Variants in SFXN5 observed in about 807,000 individuals in gnomAD.
The protein encoded by SFXN5 is sideroflexin-5.
In SFXN5, 43 loss-of-function variants were observed where a neutral mutation model predicts 50.2. The ratio of observed to expected loss-of-function variants is 0.86; its 90% CI spans 0.67 to 1.11. The LOEUF (loss-of-function observed/expected upper bound fraction) is 1.11. SFXN5 is among the 50% of genes least tolerant of loss of function. The pLI, the probability that SFXN5 is intolerant of heterozygous loss-of-function variation, is 0.00. For synonymous variants in SFXN5, 203 were observed against 185.8 expected, an observed-to-expected ratio of 1.09 and a Z score of -0.75; for missense variants, 463 against 454.1, an observed-to-expected ratio of 1.02 and a Z score of -0.18.
At chr2:73,013,679 T>G (rs905300105) in intron 6 of SFXN5, among the ~76,000 whole-genome samples, 5 of 152,078 alleles carry the variant, frequency 3.3e-5, no homozygotes, top group Admixed American at 6.5e-5. Context: ...TCTCGATATA[T>G]TTATATATTT....
chr2:72,983,121 C>A (rs1188944901), intron 10 of SFXN5, among the ~76,000 whole-genome samples: 1 of 152,282 alleles, frequency 6.6e-6, no homozygotes, highest in East Asian at 1.9e-4. Flanking sequence ...ATGGCCACTC[C>A]TAGACGGAGG....
chr2:73,005,314 C>T (rs528617594), intron 6 of SFXN5, among the ~76,000 whole-genome samples: 45 of 152,212 alleles, frequency 3.0e-4, no homozygotes, highest in African/African-American at 6.5e-4. Flanking sequence ...TCTGCACATC[C>T]GTCTGTACCT....
chr2:72,987,674 G>A (rs1672076625), intron 10 of SFXN5, among the ~76,000 whole-genome samples: 1 of 152,108 alleles, frequency 6.6e-6, no homozygotes, highest in Non-Finnish European at 1.5e-5. Context: ...AGAATTGCTT[G>A]AAGCTGGGAG....
chr2:73,038,463 T>C (rs1168699058), intron 3 of SFXN5, among the ~76,000 whole-genome samples: 4 of 152,060 alleles, frequency 2.6e-5, no homozygotes, highest in Non-Finnish European at 4.4e-5. Flanking sequence ...ACACCATACA[T>C]TTAAGCACGC....
At chr2:72,954,546 C>A (rs975946992) in intron 13 of SFXN5, among the ~76,000 whole-genome samples, 1 of 152,154 alleles carries the variant, frequency 6.6e-6, no homozygotes, top group Non-Finnish European at 1.5e-5. Context: ...AAGAGACACA[C>A]GCTCATAGCC....
chr2:72,975,282 G>C (rs1303544070), intron 10 of SFXN5, among the ~76,000 whole-genome samples: 1 of 152,212 alleles, frequency 6.6e-6, no homozygotes, highest in Non-Finnish European at 1.5e-5. Context: ...GGAAGAAAGA[G>C]CAGTAGACAG....
chr2:73,007,581 G>A (rs768608384), intron 6 of SFXN5, among the ~76,000 whole-genome samples: 6 of 152,032 alleles, frequency 3.9e-5, no homozygotes, highest in African/African-American at 9.7e-5. Flanking sequence ...TATCTTCCTC[G>A]AGAGCTTCTA....
At chr2:72,965,205 G>A (rs1395813790) in intron 12 of SFXN5, among the ~76,000 whole-genome samples, 1 of 152,180 alleles carries the variant, frequency 6.6e-6, no homozygotes, top group Admixed American at 6.5e-5. Flanking sequence ...CTGGCGGAAG[G>A]GCACATTGAC....
intron 6 of SFXN5, among the ~76,000 whole-genome samples, chr2:73,016,754 C>T (rs1048954521): frequency 2.6e-5 from 4 of 152,056 alleles, no homozygotes; most frequent in Non-Finnish European, 4.4e-5. Flanking sequence ...ATATACTGAG[C>T]GAAAAAAACA....
intron 2 of SFXN5, chr2:73,049,147 TC>T (rs1680905612): frequency 6.6e-6 from 1 of 152,316 alleles, no homozygotes; most frequent in Admixed American, 6.5e-5. Context: ...TTCTCACAGT[TC>T]TGGAAGCTGG....
chr2:72,997,078 G>A (rs1332325466), intron 9 of SFXN5: 1 of 152,216 alleles, frequency 6.6e-6, no homozygotes, highest in East Asian at 1.9e-4. Context: ...CAAGCTGGGT[G>A]GCAGGTCAGC....
chr2:73,026,706 A>ATTATT (rs762020518), intron 3 of SFXN5, among the ~76,000 whole-genome samples: 1 of 151,948 alleles, frequency 6.6e-6, no homozygotes, highest in Non-Finnish European at 1.5e-5. Flanking sequence ...CATACTTCTT[A>ATTATT]TTATTTTATT....
At chr2:73,066,776 C>T (rs1460929202) in intron 1 of SFXN5, among the ~76,000 whole-genome samples, 2 of 151,658 alleles carry the variant, frequency 1.3e-5, no homozygotes, top group African/African-American at 4.9e-5. Flanking sequence ...CCAGGCAGAA[C>T]AATCATTAGA....
At chr2:73,054,104 G>C (rs1681765056) in intron 2 of SFXN5, among the ~76,000 whole-genome samples, 1 of 152,170 alleles carries the variant, frequency 6.6e-6, no homozygotes, top group Non-Finnish European at 1.5e-5. Context: ...TGCTTGCCCA[G>C]AGGTCCCATT....
Position 73,012,164 on chromosome 2 carries a change from T to C in SFXN5, c.357+8075A>G, listed in dbSNP as rs77356350. 1.7e-3 allele frequency among the ~76,000 whole-genome samples: 260 copies of C among 152,340 alleles called. 4 individuals are homozygous for C. The East Asian group carries it at 0.038, about 22-fold the overall frequency. On this transcript the variant is annotated intron_variant, in intron 6 of 13. Transcript: ENST00000272433. ...AAACACTTTAAATGACTTAAATGTA[T>C]GCAGATATCTAGAAAAAGCCTAGAG...
At chr2:73,000,220 G>T (rs539538423) in intron 8 of SFXN5, among the ~76,000 whole-genome samples, 1 of 152,166 alleles carries the variant, frequency 6.6e-6, no homozygotes, top group Admixed American at 6.5e-5. Context: ...TCCCCAGAGG[G>T]CTCCTGGCCC....
intron 6 of SFXN5, among the ~76,000 whole-genome samples, chr2:73,010,176 T>C (rs1215407394): frequency 3.9e-5 from 6 of 152,252 alleles, no homozygotes; most frequent in Non-Finnish European, 8.8e-5. Context: ...AATCCTTATA[T>C]AATTGGGGAT....
intron 1 of SFXN5, chr2:73,071,258 C>CA: frequency 3.6e-6 from 1 of 277,216 alleles, no homozygotes; most frequent in South Asian, 5.1e-5. Flanking sequence ...GGCAGCTGCA[C>CA]AACCCGGAGC....
At chr2:73,037,269 A>G (rs924804377) in intron 3 of SFXN5, among the ~76,000 whole-genome samples, 10 of 152,108 alleles carry the variant, frequency 6.6e-5, no homozygotes, top group Non-Finnish European at 1.5e-4. Flanking sequence ...CGGCTCTCCC[A>G]TGGTATCATG....
Sources: gnomAD v4.1 joint callset for allele counts (sites outside exome capture counted in the v4.1 genomes callset) on GRCh38, gnomAD v4.1.1 for gene constraint, MANE v1.5 for transcripts, NCBI Gene and HGNC (gene_info 2026-07-23, HGNC 2026-07-21) for gene names.